Variants in SNTG1 observed in about 807,000 individuals in gnomAD.
SNTG1 encodes the protein gamma-1-syntrophin.
SNTG1 carries 39 observed loss-of-function variants against 74.7 expected under a neutral mutation model. The observed-to-expected ratio is 0.52, with a 90% CI of 0.40 to 0.68. SNTG1 has a LOEUF of 0.68. Among genes scored for constraint, SNTG1 ranks in the 30% least tolerant of loss-of-function variants. SNTG1 has a pLI of 0.00. For synonymous variants in SNTG1, 254 were observed against 217.1 expected (o/e 1.17, Z -1.49); for missense variants, 685 against 609.5 (o/e 1.12, Z -1.30).
At chr8:50,031,606 A>G (rs1242280140) in intron 1 of SNTG1, among the ~76,000 whole-genome samples, 1 of 152,008 alleles carries the variant, frequency 6.6e-6, no homozygotes, top group East Asian at 1.9e-4. Context: ...TTCCTTCTTT[A>G]GGTTGTGAAG....
intron 18 of SNTG1, among the ~76,000 whole-genome samples, chr8:50,773,652 T>G (rs1258649201): frequency 6.6e-6 from 1 of 152,168 alleles, no homozygotes. Context: ...AGAATGAGAA[T>G]CTGATGTCCA....
intron 2 of SNTG1, among the ~76,000 whole-genome samples, chr8:50,269,550 T>C (rs1172127957): frequency 6.6e-6 from 1 of 151,940 alleles, no homozygotes. Flanking sequence ...AATAAAAAGT[T>C]AAGGAAAAAA....
At chr8:49,943,147 C>T (rs1808852364) in intron 1 of SNTG1, among the ~76,000 whole-genome samples, 1 of 152,036 alleles carries the variant, frequency 6.6e-6, no homozygotes, top group African/African-American at 2.4e-5. Flanking sequence ...TATTTAAATC[C>T]ACCCTGTTCA....
intron 2 of SNTG1, among the ~76,000 whole-genome samples, chr8:50,226,161 G>A (rs1316223298): frequency 1.3e-5 from 2 of 151,940 alleles, no homozygotes; most frequent in African/African-American, 4.8e-5. Flanking sequence ...TATATATTGA[G>A]GACTAAGCTC....
intron 8 of SNTG1, among the ~76,000 whole-genome samples, chr8:50,470,834 G>C (rs1300049914): frequency 1.3e-5 from 2 of 152,142 alleles, no homozygotes; most frequent in Non-Finnish European, 2.9e-5. Flanking sequence ...GGGACCCCAG[G>C]GGTTGCTGCA....
chr8:50,394,304 A>C, intron 3 of SNTG1, 39 bp downstream of exon 3: 1 of 1,602,096 alleles, frequency 6.2e-7, no homozygotes. Context: ...CAGGGAAAAC[A>C]GAATATAAGC....
intron 17 of SNTG1, among the ~76,000 whole-genome samples, chr8:50,740,053 T>C (rs1044460408): frequency 1.2e-4 from 19 of 152,036 alleles, no homozygotes; most frequent in Non-Finnish European, 2.8e-4. Flanking sequence ...ATTCTAGACA[T>C]AGGACTGGGC....
chr8:50,637,893 A>G (rs1007554010), intron 13 of SNTG1, among the ~76,000 whole-genome samples: 1 of 152,164 alleles, frequency 6.6e-6, no homozygotes, highest in African/African-American at 2.4e-5. Context: ...TGAGATAAGT[A>G]TCTTAAACCA....
Position 50,796,587 on chromosome 8 carries a change from A to G in SNTG1, c.*3758A>G, listed in dbSNP as rs1337492622. ...TAAAATGTAAATTAATATCTGTGAC[A>G]AAAATTTGTCACTTCATTCTTTCAG... On this transcript the variant is annotated 3_prime_UTR_variant, in exon 19 of 19. Coordinates refer to ENST00000642720, the MANE Select transcript of SNTG1 (RefSeq NM_018967.5). The G allele has an allele frequency of 6.6e-6, 1 of 152,012 alleles. No individual in the cohort carries two copies. The highest frequency in any genetic ancestry group is 2.1e-4 in the South Asian group (1 of 4,830). The allele number at this position is 152,012 out of a possible 1,614,324, so 9.4% of individuals were successfully genotyped here.
intron 2 of SNTG1, among the ~76,000 whole-genome samples, chr8:50,285,499 A>G (rs1473558315): frequency 1.3e-5 from 2 of 152,188 alleles, no homozygotes; most frequent in African/African-American, 4.8e-5. Context: ...ACTCCTTTGT[A>G]GGAAATACAA....
chr8:50,205,986 T>G (rs2084214066), intron 2 of SNTG1, among the ~76,000 whole-genome samples: 1 of 152,210 alleles, frequency 6.6e-6, no homozygotes, highest in Admixed American at 6.5e-5. Flanking sequence ...TAGTATAGTT[T>G]GAAGTCAGGT....
At chr8:50,645,997 AAAAT>A (rs2095106892) in intron 13 of SNTG1, among the ~76,000 whole-genome samples, 1 of 152,118 alleles carries the variant, frequency 6.6e-6, no homozygotes. Flanking sequence ...AGCACTTTGT[AAAAT>A]GTTTTTGTAC....
At chr8:50,242,360 C>G (rs114113591) in intron 2 of SNTG1, among the ~76,000 whole-genome samples, 9,434 of 151,660 alleles carry the variant, frequency 0.062, 403 homozygotes, top group South Asian at 0.16. Context: ...GAAACCCCAT[C>G]TCTACTAACA....
intron 8 of SNTG1, among the ~76,000 whole-genome samples, chr8:50,476,670 G>C (rs1217795938): frequency 1.3e-5 from 2 of 152,082 alleles, no homozygotes; most frequent in Non-Finnish European, 2.9e-5. Flanking sequence ...TAAATAAACA[G>C]GTTTATAAAC....
chr8:50,605,787 G>A (rs2094807913), intron 13 of SNTG1, among the ~76,000 whole-genome samples: 1 of 152,088 alleles, frequency 6.6e-6, no homozygotes, highest in African/African-American at 2.4e-5. Flanking sequence ...CTTCTGTTGG[G>A]GAGAGGGGAT....
At chr8:50,572,354 C>G (rs1245937599) in intron 12 of SNTG1, among the ~76,000 whole-genome samples, 1 of 151,706 alleles carries the variant, frequency 6.6e-6, no homozygotes, top group South Asian at 2.1e-4. Flanking sequence ...TGAACATATA[C>G]CCATAGATAT....
intron 2 of SNTG1, among the ~76,000 whole-genome samples, chr8:50,341,162 C>A (rs1015171785): frequency 7.9e-5 from 12 of 151,900 alleles, no homozygotes; most frequent in African/African-American, 2.9e-4. Context: ...AGTACCAAGC[C>A]TCCTTAAAGG....
chr8:50,028,727 A>T (rs1817493906), intron 1 of SNTG1, among the ~76,000 whole-genome samples: 1 of 151,946 alleles, frequency 6.6e-6, no homozygotes, highest in South Asian at 2.1e-4. Flanking sequence ...GTACCCTAAA[A>T]CTTAAAGTAT....
At chr8:50,753,794 A>C (rs16915396) in intron 18 of SNTG1, among the ~76,000 whole-genome samples, 5,488 of 146,608 alleles carry the variant, frequency 0.037, 270 homozygotes, top group African/African-American at 0.12. Flanking sequence ...ATGGAATAGA[A>C]AAAAAAAGTA....
Sources: allele counts gnomAD v4.1 joint callset (sites outside exome capture counted in the v4.1 genomes callset), GRCh38; gene constraint gnomAD v4.1.1; transcripts MANE v1.5; gene names NCBI Gene and HGNC (gene_info 2026-07-23, HGNC 2026-07-21).